Variants in SNX24 observed in about 807,000 individuals in gnomAD.
SNX24 encodes the protein sorting nexin-24.
A neutral mutation model predicts 28.7 loss-of-function variants in SNX24; 22 were observed. That is an observed-to-expected ratio of 0.77 (90% CI 0.55 to 1.10). SNX24 has a LOEUF of 1.10. SNX24 is among the 50% of genes least tolerant of loss of function. The pLI is 0.00. For missense variants in SNX24, 221 were observed against 201.1 expected (o/e 1.10, Z -0.60); for synonymous variants, 69 against 71.5 (o/e 0.96, Z 0.18).
intron 1 of SNX24, among the ~76,000 whole-genome samples, chr5:122,923,300 C>G (rs1482669960): frequency 6.6e-6 from 1 of 151,238 alleles, no homozygotes; most frequent in African/African-American, 2.4e-5. Context: ...GATTACACCA[C>G]TGCACTGCAG....
chr5:122,886,819 G>T lies in SNX24; in HGVS notation c.60+41126G>T, dbSNP rs540253905. Among the ~76,000 whole-genome samples the T allele has an allele frequency of 1.4e-4, 21 of 151,060 alleles. No individual in the cohort carries two copies. The East Asian group carries it at 3.9e-3, about 28-fold the overall frequency. On this transcript the variant is annotated intron_variant, in intron 1 of 6. Transcript: ENST00000261369. ...CACTCCAGCCTGGCCAACAGAGCGA[G>T]ACTCTGACTCAAAAAAAAAAAAATT...
chr5:122,997,179 T>C (rs2150172178), intron 3 of SNX24, among the ~76,000 whole-genome samples: 1 of 152,336 alleles, frequency 6.6e-6, no homozygotes, highest in African/African-American at 2.4e-5. Flanking sequence ...TCTGAAGTAT[T>C]AGTTCTTTTC....
downstream of SNX24, among the ~76,000 whole-genome samples, chr5:123,011,059 A>G (rs1762567135): frequency 6.6e-6 from 1 of 152,198 alleles, no homozygotes; most frequent in East Asian, 1.9e-4. Context: ...AAGCAGTGTC[A>G]TTCACATGGA....
chr5:122,909,799 CAG>C (rs1416226985), intron 1 of SNX24, among the ~76,000 whole-genome samples: 6 of 152,186 alleles, frequency 3.9e-5, no homozygotes, highest in Non-Finnish European at 8.8e-5. Flanking sequence ...AGCCCCAGCT[CAG>C]AGTCTGATGC....
chr5:122,906,004 A>G (rs1345256389), intron 1 of SNX24, among the ~76,000 whole-genome samples: 4 of 152,200 alleles, frequency 2.6e-5, no homozygotes, highest in Non-Finnish European at 5.9e-5. Flanking sequence ...CAGGTGGAGG[A>G]TGTGTATATC....
intron 3 of SNX24, among the ~76,000 whole-genome samples, chr5:122,989,564 G>A (rs1761745022): frequency 6.6e-6 from 1 of 152,196 alleles, no homozygotes; most frequent in African/African-American, 2.4e-5. Flanking sequence ...TGTTGGGGAA[G>A]AGTAGGGCAG....
chr5:122,912,580 A>G (rs1462725717), intron 1 of SNX24, among the ~76,000 whole-genome samples: 1 of 152,156 alleles, frequency 6.6e-6, no homozygotes. Flanking sequence ...AGTTTTGCCC[A>G]TTCAGTATGA....
chr5:122,877,884 C>T (rs1194641613), intron 1 of SNX24, among the ~76,000 whole-genome samples: 2 of 152,090 alleles, frequency 1.3e-5, no homozygotes, highest in Non-Finnish European at 2.9e-5. Flanking sequence ...TCTTGGTGGT[C>T]CTGCTCCTAT....
At chr5:122,857,302 G>A (rs540925901) in intron 1 of SNX24, among the ~76,000 whole-genome samples, 12 of 152,230 alleles carry the variant, frequency 7.9e-5, no homozygotes, top group African/African-American at 1.9e-4. Flanking sequence ...AGGAGCCACC[G>A]TGCCTGGCCT....
At chr5:122,883,174 C>T (rs928731274) in intron 1 of SNX24, among the ~76,000 whole-genome samples, 18 of 152,136 alleles carry the variant, frequency 1.2e-4, no homozygotes, top group East Asian at 3.9e-4. Context: ...TGAAATTACA[C>T]GCAGAATCTT....
intron 1 of SNX24, among the ~76,000 whole-genome samples, chr5:122,901,816 C>G (rs570799752): frequency 6.6e-6 from 1 of 152,276 alleles, no homozygotes; most frequent in East Asian, 1.9e-4. Context: ...CCACAGCAGC[C>G]CATTTGGAAT....
chr5:122,856,130 G>A lies in SNX24; in HGVS notation c.60+10437G>A, dbSNP rs368492903. 7.9e-5 allele frequency among the ~76,000 whole-genome samples: 12 copies of A among 152,136 alleles called. No individual in the cohort carries two copies. In the East Asian group the frequency reaches 9.6e-4, roughly 12 times the overall value. ...TTCTCCCTTCTGCCTCCCTCCACTC[G>A]CAAGTAATCCCTGGTGTCTGTTGTT... is the stretch of plus-strand genomic sequence containing the variant. On this transcript the variant is annotated intron_variant, in intron 1 of 6. Coordinates refer to ENST00000261369, the MANE Select transcript of SNX24 (RefSeq NM_014035.4).
intron 3 of SNX24, among the ~76,000 whole-genome samples, chr5:122,975,811 A>T (rs763739573): frequency 3.3e-5 from 5 of 152,222 alleles, no homozygotes; most frequent in Non-Finnish European, 7.3e-5. Context: ...ATCTGCAAAG[A>T]TTAAAACAAA....
In SNX24 at chr5:122,849,598, AG is replaced by A. The variant is rs67138289; in HGVS notation, c.60+3914del. 5.9e-3 allele frequency among the ~76,000 whole-genome samples: 889 copies of A among 149,984 alleles called. 5 individuals are homozygous for A. Among genetic ancestry groups the A allele is most frequent in the African/African-American group, 0.018 (736 of 40,916 alleles). ...TAAAACTCAGATATGCCCCCAAAAA[AG>A]GGGGGGGGAGGGGCACCTCTAAATA... On this transcript the variant is annotated intron_variant, in intron 1 of 6. Transcript: ENST00000261369.
rs1474736990 is a variant in SNX24, at chr5:122,940,562, G to T, written c.144+3745G>T. 3.9e-5 allele frequency among the ~76,000 whole-genome samples: 6 copies of T among 151,962 alleles called. No individual in the cohort carries two copies. The East Asian group carries it at 1.2e-3, about 29-fold the overall frequency. Reference sequence around the variant, plus strand: ...GTAACAAATCACCAAAAATACAGTGGCTTAAAATTTATGTATTATTATTAT... The same window carrying T: ...GTAACAAATCACCAAAAATACAGTGTCTTAAAATTTATGTATTATTATTAT... On this transcript the variant is annotated intron_variant, in intron 2 of 6. Transcript: ENST00000261369.
rs1322433353 is a variant in SNX24, at chr5:122,847,500, C to T, written c.60+1807C>T. Among the ~76,000 whole-genome samples, 20 of 36,964 alleles carry T rather than the reference C, an allele frequency of 5.4e-4. No homozygotes were observed. In the East Asian group the frequency reaches 0.015, roughly 28 times the overall value. The allele number at this position is 36,964 out of a possible 152,430, so 24.2% of individuals were successfully genotyped here. A position where few individuals can be genotyped will look rare whatever the true frequency, so the allele number is the denominator to read the frequency against. On this transcript the variant is annotated intron_variant, in intron 1 of 6. Transcript: ENST00000261369. Reference sequence around the variant, plus strand: ...AGCTAAACTGTTAAAATCTCTCTCTCTCTTTTTTTTTTTGAGACAGTCTTC... The same window carrying T: ...AGCTAAACTGTTAAAATCTCTCTCTTTCTTTTTTTTTTTGAGACAGTCTTC...
intron 1 of SNX24, among the ~76,000 whole-genome samples, chr5:122,857,331 G>A (rs1012257375): frequency 6.6e-6 from 1 of 151,886 alleles, no homozygotes; most frequent in Non-Finnish European, 1.5e-5. Flanking sequence ...TTTTGTGTAC[G>A]GTGTAAGGAA....
intron 3 of SNX24, among the ~76,000 whole-genome samples, chr5:122,960,661 A>AT (rs1414389484): frequency 6.6e-6 from 1 of 152,180 alleles, no homozygotes; most frequent in East Asian, 1.9e-4. Context: ...CTTCATGAGA[A>AT]TTGTAGAGAA....
At chr5:122,950,418 C>T (rs917757408) in intron 3 of SNX24, among the ~76,000 whole-genome samples, 2 of 151,676 alleles carry the variant, frequency 1.3e-5, no homozygotes, top group Non-Finnish European at 2.9e-5. Flanking sequence ...TACCTTGAAC[C>T]ATAGCCCAAA....
Sources: allele counts gnomAD v4.1 joint callset (sites outside exome capture counted in the v4.1 genomes callset), GRCh38; gene constraint gnomAD v4.1.1; transcripts MANE v1.5; gene names NCBI Gene and HGNC (gene_info 2026-07-23, HGNC 2026-07-21).